CPQ: variants seen among roughly 807,000 people sequenced by gnomAD.
The protein encoded by CPQ is carboxypeptidase Q.
Under a neutral mutation model 45.7 loss-of-function variants are expected in CPQ, and 37 were observed. The observed-to-expected ratio is 0.81, with a 90% CI of 0.62 to 1.07. The LOEUF (loss-of-function observed/expected upper bound fraction) is 1.07. CPQ is among the 50% of genes least tolerant of loss of function. The pLI is 0.00. For synonymous variants in CPQ, 186 were observed against 205.8 expected (o/e 0.90, Z 0.82); for missense variants, 537 against 572.9 (o/e 0.94, Z 0.64).
intron 5 of CPQ, among the ~76,000 whole-genome samples, chr8:97,000,580 T>G (rs1240980215): frequency 6.6e-6 from 1 of 152,144 alleles, no homozygotes; most frequent in Non-Finnish European, 1.5e-5. Flanking sequence ...GGGCTCTCTA[T>G]TCTGTTCCAT....
At chr8:96,946,632 G>C (rs1200463471) in intron 4 of CPQ, among the ~76,000 whole-genome samples, 1 of 125,994 alleles carries the variant, frequency 7.9e-6, no homozygotes, top group African/African-American at 3.2e-5. Context: ...AAATTAACAT[G>C]CCCCTCCATA....
At chr8:96,698,844 G>A (rs1809420379) in intron 1 of CPQ, among the ~76,000 whole-genome samples, 1 of 152,140 alleles carries the variant, frequency 6.6e-6, no homozygotes, top group African/African-American at 2.4e-5. Flanking sequence ...ATGCTGGCAA[G>A]GATGTGGAGA....
At chr8:96,904,759 A>C (rs991892473) in intron 4 of CPQ, among the ~76,000 whole-genome samples, 1 of 152,188 alleles carries the variant, frequency 6.6e-6, no homozygotes, top group African/African-American at 2.4e-5. Flanking sequence ...TGCACAGTTT[A>C]GGACAACTTT....
intron 2 of CPQ, among the ~76,000 whole-genome samples, chr8:96,788,420 A>G (rs1397184383): frequency 2.6e-5 from 4 of 152,082 alleles, no homozygotes; most frequent in East Asian, 1.9e-4. Context: ...TAGGCTTCCC[A>G]AAGTGATGGG....
At chr8:97,123,216 T>TAA (rs1563587418) in intron 7 of CPQ, among the ~76,000 whole-genome samples, 4 of 100,718 alleles carry the variant, frequency 4.0e-5, no homozygotes, top group Non-Finnish European at 6.5e-5. Flanking sequence ...AAAAATAAAA[T>TAA]AAAATAAAAT....
At chr8:96,922,312 G>T (rs1298696819) in intron 4 of CPQ, among the ~76,000 whole-genome samples, 3 of 152,190 alleles carry the variant, frequency 2.0e-5, no homozygotes, top group African/African-American at 7.2e-5. Context: ...TGTTTTACAA[G>T]ATGACATAAG....
chr8:96,744,248 G>T lies in CPQ; in HGVS notation c.-34-40616G>T, dbSNP rs181376022. ...GGAGTGACCCGATTTTCCAGATGCC[G>T]TCTGTCACCACTTTCTTTGACTAGG... On this transcript the variant is annotated intron_variant, in intron 1 of 7. Coordinates refer to ENST00000220763, the MANE Select transcript of CPQ (RefSeq NM_016134.4). Among the ~76,000 whole-genome samples the T allele has an allele frequency of 1.4e-3, 219 of 152,362 alleles. 5 individuals are homozygous for T. The highest frequency in any genetic ancestry group is 0.011 in the Admixed American group (170 of 15,306).
rs558369289 is a variant in CPQ at position 96,818,684 on chromosome 8, A to G, written c.434-16289A>G. 3.3e-5 allele frequency among the ~76,000 whole-genome samples: 5 copies of G among 152,234 alleles called. No homozygotes were observed. The South Asian group carries it at 1.0e-3, about 32-fold the overall frequency. ...ATCAGTAGAAGTAGGGTGGCCACAG[A>G]TACAGACATATGTCCTTGTTAGTTG... On this transcript the variant is annotated intron_variant, in intron 2 of 7. Coordinates refer to ENST00000220763, the MANE Select transcript of CPQ (RefSeq NM_016134.4).
At chr8:96,877,537 T>C (rs1444851548) in intron 3 of CPQ, among the ~76,000 whole-genome samples, 2 of 152,222 alleles carry the variant, frequency 1.3e-5, no homozygotes, top group Non-Finnish European at 2.9e-5. Context: ...ATTGTCTTCC[T>C]ACATGTTGCA....
chr8:97,106,823 GAA>G (rs1811413928), intron 7 of CPQ, among the ~76,000 whole-genome samples: 1 of 152,116 alleles, frequency 6.6e-6, no homozygotes, highest in Non-Finnish European at 1.5e-5. Flanking sequence ...AAAGAGCCGA[GAA>G]AGAGAGGCCA....
intron 7 of CPQ, among the ~76,000 whole-genome samples, chr8:97,109,974 T>A (rs999405746): frequency 8.5e-5 from 13 of 152,140 alleles, no homozygotes; most frequent in African/African-American, 2.9e-4. Context: ...TCTACCCAAC[T>A]CTTATTTTTT....
intron 7 of CPQ, among the ~76,000 whole-genome samples, chr8:97,126,688 T>A (rs561192379): frequency 1.5e-4 from 23 of 152,236 alleles, no homozygotes; most frequent in Admixed American, 1.4e-3. Flanking sequence ...ATAAAATACA[T>A]GTAAAATTTA....
chr8:97,090,886 T>C (rs185340446), intron 7 of CPQ, among the ~76,000 whole-genome samples: 51 of 152,232 alleles, frequency 3.4e-4, no homozygotes, highest in Admixed American at 2.5e-3. Context: ...CTCCAAACAT[T>C]ATGATGCAAC....
intron 1 of CPQ, among the ~76,000 whole-genome samples, chr8:96,649,910 T>A (rs984679215): frequency 6.6e-6 from 1 of 152,034 alleles, no homozygotes; most frequent in East Asian, 1.9e-4. Context: ...CAATGAGGAG[T>A]TATTATAAGC....
At chr8:96,903,976 AC>A (rs1200543221) in intron 4 of CPQ, among the ~76,000 whole-genome samples, 1 of 152,142 alleles carries the variant, frequency 6.6e-6, no homozygotes. Context: ...CACTGTTGAT[AC>A]TTCTCAAGAC....
intron 7 of CPQ, among the ~76,000 whole-genome samples, chr8:97,085,787 A>G (rs1364786733): frequency 1.3e-5 from 2 of 152,224 alleles, no homozygotes; most frequent in Admixed American, 6.5e-5. Context: ...AAGAAGAATT[A>G]GGTGAAAAAG....
rs1438514295 is a variant in CPQ, at chr8:97,053,872, C to T, written c.1054-12137C>T. 5.9e-5 allele frequency among the ~76,000 whole-genome samples: 9 copies of T among 152,204 alleles called. No individual in the cohort carries two copies. In the East Asian group the frequency reaches 1.2e-3, roughly 20 times the overall value. On this transcript the variant is annotated intron_variant, in intron 6 of 7. Coordinates refer to ENST00000220763, the MANE Select transcript of CPQ (RefSeq NM_016134.4). ...GTGGAAGGCATAGCAAGTTGTCAGGCTGCAGATAATATTTTAAGGAAGGAG... is the reference window on the plus strand; with the variant it reads ...GTGGAAGGCATAGCAAGTTGTCAGGTTGCAGATAATATTTTAAGGAAGGAG...
At chr8:96,662,102 G>A (rs1486381563) in intron 1 of CPQ, among the ~76,000 whole-genome samples, 2 of 152,136 alleles carry the variant, frequency 1.3e-5, no homozygotes, top group East Asian at 3.8e-4. Context: ...GTCTGTTAAG[G>A]TCTTTGGGTC....
intron 1 of CPQ, among the ~76,000 whole-genome samples, chr8:96,693,487 C>A (rs1203967006): frequency 1.3e-5 from 2 of 152,058 alleles, no homozygotes; most frequent in African/African-American, 4.8e-5. Flanking sequence ...AAATAACATA[C>A]AATGGATCTC....
Sources: allele counts gnomAD v4.1 joint callset (sites outside exome capture counted in the v4.1 genomes callset), GRCh38; gene constraint gnomAD v4.1.1; transcripts MANE v1.5; gene names NCBI Gene and HGNC (gene_info 2026-07-23, HGNC 2026-07-21).